LDLRAD3: variants seen among roughly 807,000 people sequenced by gnomAD.
LDLRAD3 encodes low-density lipoprotein receptor class A domain-containing protein 3.
Under a neutral mutation model 29.4 loss-of-function variants are expected in LDLRAD3, and 20 were observed. The observed-to-expected ratio is 0.68, with a 90% CI of 0.48 to 0.99. The LOEUF (loss-of-function observed/expected upper bound fraction) is 0.99. Among genes scored for constraint, LDLRAD3 ranks in the 50% least tolerant of loss-of-function variants. The pLI, the probability that LDLRAD3 is intolerant of heterozygous loss-of-function variation, is 0.00. For missense variants in LDLRAD3, 420 were observed against 454.3 expected (o/e 0.92, Z 0.69); for synonymous variants, 157 against 192.7 (o/e 0.81, Z 1.53).
chr11:36,123,360 ATTCTACAAGCTGGTGCAGGT>A (rs1565238949), intron 4 of LDLRAD3, among the ~76,000 whole-genome samples: 1 of 152,254 alleles, frequency 6.6e-6, no homozygotes, highest in African/African-American at 2.4e-5. Context: ...GCTTAGCTCC[ATTCTACAAGCTGGTGCAGGT>A]TTGCCCTACC....
chr11:36,024,241 A>G (rs1590211980), intron 1 of LDLRAD3, among the ~76,000 whole-genome samples: 1 of 152,178 alleles, frequency 6.6e-6, no homozygotes, highest in Non-Finnish European at 1.5e-5. Flanking sequence ...AACCCCAAGT[A>G]TATACCACCT....
chr11:36,170,833 C>G (rs540286610), intron 4 of LDLRAD3, among the ~76,000 whole-genome samples: 23 of 149,342 alleles, frequency 1.5e-4, no homozygotes, highest in African/African-American at 5.4e-4. Context: ...GACGGAGTCT[C>G]CCTCTGTTGC....
At chr11:36,024,177 C>A (rs262431) in intron 1 of LDLRAD3, among the ~76,000 whole-genome samples, 139,103 of 152,130 alleles carry the variant, frequency 0.91, 64,876 homozygotes, top group Non-Finnish European at 1. Flanking sequence ...TCAGAGAGTC[C>A]GTAAGAATGT....
At chr11:36,149,022 A>G (rs59689215) in intron 4 of LDLRAD3, among the ~76,000 whole-genome samples, 3,800 of 152,274 alleles carry the variant, frequency 0.025, 177 homozygotes, top group African/African-American at 0.085. Flanking sequence ...ACCAGGCCCC[A>G]TGTCGCACAC....
At chr11:36,046,236 C>A (rs1473548922) in intron 2 of LDLRAD3, among the ~76,000 whole-genome samples, 2 of 152,134 alleles carry the variant, frequency 1.3e-5, no homozygotes, top group East Asian at 3.8e-4. Flanking sequence ...AATGGGAGTT[C>A]CCCTGTACCA....
intron 4 of LDLRAD3, among the ~76,000 whole-genome samples, chr11:36,214,872 C>T (rs1025345521): frequency 6.6e-6 from 1 of 152,242 alleles, no homozygotes; most frequent in Non-Finnish European, 1.5e-5. Context: ...GCCGGCTTCT[C>T]CCAGCAAATT....
chr11:36,042,851 C>A (rs562910531), intron 2 of LDLRAD3, among the ~76,000 whole-genome samples: 12 of 152,248 alleles, frequency 7.9e-5, no homozygotes, highest in African/African-American at 2.9e-4. Flanking sequence ...TCCATCACAG[C>A]CCCCAGAGGG....
chr11:36,216,131 G>C (rs1008733916), intron 4 of LDLRAD3, among the ~76,000 whole-genome samples: 22 of 152,144 alleles, frequency 1.4e-4, no homozygotes, highest in African/African-American at 5.1e-4. Context: ...CTGGGACCTG[G>C]GCCTCACTGT....
chr11:36,018,709 G>A (rs1225886234), intron 1 of LDLRAD3, among the ~76,000 whole-genome samples: 1 of 152,152 alleles, frequency 6.6e-6, no homozygotes, highest in Non-Finnish European at 1.5e-5. Flanking sequence ...ACTCCCACCA[G>A]TAGGGTCTGA....
intron 4 of LDLRAD3, among the ~76,000 whole-genome samples, chr11:36,149,563 A>C (rs938644371): frequency 2.0e-5 from 3 of 152,142 alleles, no homozygotes; most frequent in African/African-American, 7.2e-5. Flanking sequence ...TGAGGATGAG[A>C]GGGAGTTTGA....
At chr11:36,006,093 G>C (rs262410) in intron 1 of LDLRAD3, among the ~76,000 whole-genome samples, 133,512 of 152,092 alleles carry the variant, frequency 0.88, 59,587 homozygotes, top group East Asian at 0.98. Context: ...TAGATGCCCA[G>C]TCGTTCCTCA....
chr11:36,049,440 T>A (rs1229012134), intron 2 of LDLRAD3, among the ~76,000 whole-genome samples: 1 of 152,112 alleles, frequency 6.6e-6, no homozygotes, highest in Non-Finnish European at 1.5e-5. Flanking sequence ...CCAGAGAGAC[T>A]CTCTCACTAG....
At chr11:36,123,126 G>A (rs1053406332) in intron 4 of LDLRAD3, among the ~76,000 whole-genome samples, 49 of 152,148 alleles carry the variant, frequency 3.2e-4, no homozygotes, top group African/African-American at 1.1e-3. Context: ...GGTCAAGGCT[G>A]CAATGAACTA....
chr11:36,167,489 T>C (rs1025772194), intron 4 of LDLRAD3, among the ~76,000 whole-genome samples: 9 of 50,554 alleles, frequency 1.8e-4, no homozygotes, highest in Admixed American at 6.9e-4. Context: ...AGAAGGAATT[T>C]TGGACACAGA....
intron 1 of LDLRAD3, among the ~76,000 whole-genome samples, chr11:35,987,329 G>C (rs932843773): frequency 2.0e-4 from 30 of 152,162 alleles, no homozygotes; most frequent in African/African-American, 7.2e-4. Flanking sequence ...AAGATGCTAG[G>C]GTTTGGGGCA....
At chr11:36,024,140 G>A (rs1852132503) in intron 1 of LDLRAD3, among the ~76,000 whole-genome samples, 1 of 152,146 alleles carries the variant, frequency 6.6e-6, no homozygotes, top group Non-Finnish European at 1.5e-5. Context: ...GAGGCAGGAA[G>A]AGAAAAGGGA....
chr11:36,089,450 A>G (rs117290616), intron 3 of LDLRAD3, among the ~76,000 whole-genome samples: 3,781 of 146,708 alleles, frequency 0.026, 84 homozygotes, highest in East Asian at 0.11. Flanking sequence ...TTTTTTTGAG[A>G]TGGAGTCTCG....
intron 1 of LDLRAD3, among the ~76,000 whole-genome samples, chr11:36,027,098 G>C (rs1013280569): frequency 3.9e-5 from 6 of 152,132 alleles, no homozygotes; most frequent in Admixed American, 3.9e-4. Context: ...GCTTCACTAG[G>C]AGTTGCCAAA....
intron 4 of LDLRAD3, among the ~76,000 whole-genome samples, chr11:36,201,559 A>G (rs918834233): frequency 6.6e-6 from 1 of 152,374 alleles, no homozygotes; most frequent in East Asian, 1.9e-4. Context: ...TCATTATGCA[A>G]AAATTCTAGG....
Sources: gnomAD v4.1 joint callset for allele counts (sites outside exome capture counted in the v4.1 genomes callset) on GRCh38, gnomAD v4.1.1 for gene constraint, MANE v1.5 for transcripts, NCBI Gene and HGNC (gene_info 2026-07-23, HGNC 2026-07-21) for gene names.